Variants in ZNF407 observed in about 807,000 individuals in gnomAD.
ZNF407 encodes zinc finger protein 407.
A neutral mutation model predicts 131.2 loss-of-function variants in ZNF407; 17 were observed. The ratio of observed to expected loss-of-function variants is 0.13; its 90% CI spans 0.09 to 0.19. ZNF407 has a LOEUF of 0.19. Ranked by LOEUF, ZNF407 falls within the 10% of genes least tolerant of loss-of-function variation. ZNF407 has a pLI of 1.00. For missense variants in ZNF407, 2,681 were observed against 2,830.6 expected (o/e 0.95, Z 1.20); for synonymous variants, 1,156 against 1,062.0 (o/e 1.09, Z -1.72).
chr18:74,719,188 C>G (rs1037985401), intron 3 of ZNF407, among the ~76,000 whole-genome samples: 5 of 152,130 alleles, frequency 3.3e-5, no homozygotes, highest in Non-Finnish European at 7.4e-5. Context: ...TGGGAACATT[C>G]AATATCCTCC....
At chr18:74,738,460 C>A (rs1316025437) in intron 3 of ZNF407, among the ~76,000 whole-genome samples, 1 of 138,570 alleles carries the variant, frequency 7.2e-6, no homozygotes, top group Non-Finnish European at 1.5e-5. Context: ...GAGAAGTTGG[C>A]CGGGTGTGGT....
intron 3 of ZNF407, among the ~76,000 whole-genome samples, chr18:74,698,085 G>A (rs997914647): frequency 3.9e-5 from 6 of 152,156 alleles, no homozygotes; most frequent in Non-Finnish European, 7.4e-5. Flanking sequence ...GCATTCAATT[G>A]ACATCATCCT....
chr18:74,929,969 G>C (rs1387035479), intron 8 of ZNF407, among the ~76,000 whole-genome samples: 1 of 152,206 alleles, frequency 6.6e-6, no homozygotes, highest in Non-Finnish European at 1.5e-5. Context: ...TTTCCCAAAT[G>C]TTAACATCAA....
In ZNF407 at chr18:74,816,710, A is replaced by G. The variant is rs948707009; in HGVS notation, c.4877+35208A>G. Among the ~76,000 whole-genome samples the G allele has an allele frequency of 4.0e-4, 61 of 152,234 alleles. 1 individual carries two copies. The highest frequency in any genetic ancestry group is 3.7e-3 in the Admixed American group (57 of 15,288). ...ATTCAATACACAAAGTATTATTCTA[A>G]TAAGTACCTAATCTGTATAAATTGC... On this transcript the variant is annotated intron_variant, in intron 4 of 8. Coordinates refer to ENST00000299687, the MANE Select transcript of ZNF407 (RefSeq NM_017757.3).
intron 8 of ZNF407, among the ~76,000 whole-genome samples, chr18:75,001,808 T>C (rs946022180): frequency 1.3e-5 from 2 of 152,234 alleles, no homozygotes; most frequent in African/African-American, 4.8e-5. Context: ...AATCTGTGAT[T>C]AGACAGGTCG....
At chr18:74,750,533 G>A (rs1161575231) in intron 3 of ZNF407, among the ~76,000 whole-genome samples, 1 of 152,114 alleles carries the variant, frequency 6.6e-6, no homozygotes, top group Admixed American at 6.6e-5. Flanking sequence ...TCATGTCATA[G>A]CATGCATCAG....
rs988273426 is a variant in ZNF407 at position 74,897,724 on chromosome 18, A to G, written c.5249+7686A>G. 2.6e-5 allele frequency among the ~76,000 whole-genome samples: 4 copies of G among 152,190 alleles called. No individual in the cohort carries two copies. The South Asian group carries it at 6.2e-4, about 24-fold the overall frequency. Reference sequence around the variant, plus strand: ...CAACAAAACACTTTACTATGTAACTATCTATATCTTCCAGCAATAGAAGCT... The same window carrying G: ...CAACAAAACACTTTACTATGTAACTGTCTATATCTTCCAGCAATAGAAGCT... On this transcript the variant is annotated intron_variant, in intron 7 of 8. Coordinates refer to ENST00000299687, the MANE Select transcript of ZNF407 (RefSeq NM_017757.3).
In ZNF407 at chr18:74,623,513, A is replaced by T. The variant is rs142379316; in HGVS notation, c.-53-7454A>T. Among the ~76,000 whole-genome samples the T allele has an allele frequency of 2.0e-5, 3 of 152,196 alleles. No individual in the cohort carries two copies. The East Asian group carries it at 5.8e-4, about 29-fold the overall frequency. ...ACAAAAGGATGAAAATGAAGGGAAA[A>T]ATGTCATGCATGCCGCCCTAGCGTG... On this transcript the variant is annotated intron_variant, in intron 1 of 8. Transcript: ENST00000299687.
chr18:74,923,382 A>G (rs571320309), intron 8 of ZNF407, among the ~76,000 whole-genome samples: 2 of 151,988 alleles, frequency 1.3e-5, no homozygotes, highest in African/African-American at 2.4e-5. Flanking sequence ...ACAGAATATA[A>G]TATGAATTAT....
At chr18:74,605,000 A>G (rs1206222816) in intron 1 of ZNF407, among the ~76,000 whole-genome samples, 1 of 152,188 alleles carries the variant, frequency 6.6e-6, no homozygotes, top group Non-Finnish European at 1.5e-5. Flanking sequence ...TCTTACCCTT[A>G]TTAGGTTACC....
At chr18:74,876,126 A>G (rs1264566778) in intron 4 of ZNF407, among the ~76,000 whole-genome samples, 2 of 152,344 alleles carry the variant, frequency 1.3e-5, no homozygotes, top group South Asian at 2.1e-4. Context: ...TATACACTCA[A>G]CATCTCCTTA....
intron 8 of ZNF407, among the ~76,000 whole-genome samples, chr18:74,954,908 A>G (rs906468088): frequency 6.6e-6 from 1 of 152,218 alleles, no homozygotes; most frequent in African/African-American, 2.4e-5. Context: ...GTCACTGGAT[A>G]TATCCACTCT....
intron 8 of ZNF407, among the ~76,000 whole-genome samples, chr18:75,052,367 C>T (rs1173362271): frequency 6.6e-6 from 1 of 152,100 alleles, no homozygotes; most frequent in African/African-American, 2.4e-5. Context: ...TACGATGAGC[C>T]ATTTTTTGAA....
At chr18:74,856,026 G>C (rs1024780132) in intron 4 of ZNF407, among the ~76,000 whole-genome samples, 2 of 152,158 alleles carry the variant, frequency 1.3e-5, no homozygotes, top group African/African-American at 2.4e-5. Flanking sequence ...ACATGTCTTG[G>C]CGATTAGAAC....
At chr18:74,858,059 C>CTTCCTTCA (rs1309456694) in intron 4 of ZNF407, among the ~76,000 whole-genome samples, 2 of 143,424 alleles carry the variant, frequency 1.4e-5, no homozygotes, top group Admixed American at 7.0e-5. Context: ...TCCTCCCTTC[C>CTTCCTTCA]TTCCTTCATT....
chr18:75,045,738 TGA>T (rs1169561552), intron 8 of ZNF407, among the ~76,000 whole-genome samples: 2 of 152,166 alleles, frequency 1.3e-5, no homozygotes, highest in Non-Finnish European at 2.9e-5. Context: ...ACTTCGATGT[TGA>T]GAGTCTTGAG....
intron 2 of ZNF407, among the ~76,000 whole-genome samples, chr18:74,640,787 T>G (rs1212481953): frequency 6.6e-6 from 1 of 152,142 alleles, no homozygotes; most frequent in Non-Finnish European, 1.5e-5. Flanking sequence ...AATCTTAGGA[T>G]TGTTAGTGGA....
Position 74,638,807 on chromosome 18 carries a change from A to G in ZNF407, c.4688-2201A>G, listed in dbSNP as rs1041319089. 3.3e-5 allele frequency among the ~76,000 whole-genome samples: 5 copies of G among 152,178 alleles called. No individual in the cohort carries two copies. In the East Asian group the frequency reaches 7.7e-4, roughly 23 times the overall value. ...TGAGAGAAATATTTAGAGATCTGCA[A>G]TTTTACAATTTTGTCTTATAAACAC... On this transcript the variant is annotated intron_variant, in intron 2 of 8. Transcript: ENST00000299687.
At position 74,784,036 on chromosome 18, in the gene ZNF407, T is replaced by A. The variant is rs1393853853; in HGVS notation, c.4877+2534T>A. On this transcript the variant is annotated intron_variant, in intron 4 of 8. Transcript: ENST00000299687. ...AGAAGCAGAAATGCCAGTCTCCTTG[T>A]TTCCATTTCACCTTCCTCCCTTCCT... 2.0e-5 allele frequency among the ~76,000 whole-genome samples: 3 copies of A among 152,294 alleles called. No individual in the cohort carries two copies. In the East Asian group the frequency reaches 5.8e-4, roughly 29 times the overall value.
Sources: gnomAD v4.1 joint callset for allele counts (sites outside exome capture counted in the v4.1 genomes callset) on GRCh38, gnomAD v4.1.1 for gene constraint, MANE v1.5 for transcripts, NCBI Gene and HGNC (gene_info 2026-07-23, HGNC 2026-07-21) for gene names.